SWT1: variants seen among roughly 807,000 people sequenced by gnomAD.
SWT1 encodes the protein transcriptional protein SWT1.
A neutral mutation model predicts 107.3 loss-of-function variants in SWT1; 33 were observed. That is an observed-to-expected ratio of 0.31 (90% CI 0.23 to 0.41). The LOEUF (loss-of-function observed/expected upper bound fraction) is 0.41, where lower values mean the gene tolerates loss of function less well. SWT1 is among the 10% of genes least tolerant of loss of function. SWT1 has a pLI of 1.00. For missense variants in SWT1, 898 were observed against 1,028.9 expected (o/e 0.87, Z 1.74); for synonymous variants, 345 against 348.3 (o/e 0.99, Z 0.11).
intron 13 of SWT1, among the ~76,000 whole-genome samples, chr1:185,208,765 A>G (rs937788708): frequency 6.8e-6 from 1 of 146,892 alleles, no homozygotes; most frequent in Non-Finnish European, 1.5e-5. Context: ...TTGATCTCCT[A>G]ACATGATGCA....
At chr1:185,170,538 T>C (rs1654958725) in intron 4 of SWT1, among the ~76,000 whole-genome samples, 1 of 152,194 alleles carries the variant, frequency 6.6e-6, no homozygotes, top group Non-Finnish European at 1.5e-5. Flanking sequence ...TCCAGAGCTC[T>C]CGGCACAAAG....
At chr1:185,257,279 C>T (rs1248909778) in intron 16 of SWT1, among the ~76,000 whole-genome samples, 1 of 151,984 alleles carries the variant, frequency 6.6e-6, no homozygotes, top group Non-Finnish European at 1.5e-5. Context: ...CAGAGGCAGG[C>T]AGGCCTCCTT....
intron 15 of SWT1, among the ~76,000 whole-genome samples, chr1:185,229,474 T>C (rs1660342140): frequency 6.6e-6 from 1 of 152,018 alleles, no homozygotes; most frequent in African/African-American, 2.4e-5. Context: ...GTCCTCATCC[T>C]TTTACCTGAA....
intron 15 of SWT1, 139 bp from the exon 16 acceptor site, chr1:185,231,438 T>C (rs1323450446): frequency 8.9e-6 from 6 of 677,688 alleles, no homozygotes; most frequent in Admixed American, 2.9e-5. Context: ...TATCTTTTAT[T>C]TCTAATTTAA....
At chr1:185,263,892 G>A (rs1166810731) in intron 16 of SWT1, 1 of 152,096 alleles carries the variant, frequency 6.6e-6, no homozygotes, top group Non-Finnish European at 1.5e-5. Context: ...CCATATCCTG[G>A]GGTACTGGAG....
intron 16 of SWT1, among the ~76,000 whole-genome samples, chr1:185,256,803 G>A (rs1028578561): frequency 2.6e-5 from 4 of 152,152 alleles, no homozygotes; most frequent in African/African-American, 9.7e-5. Context: ...TCTCCATCCA[G>A]CTTTGTTCCA....
At chr1:185,176,696 G>A in intron 5 of SWT1, 1 of 985,184 alleles carries the variant, frequency 1.0e-6, no homozygotes, top group Non-Finnish European at 1.2e-6. Context: ...TTAAGACTGT[G>A]GACTGTGGCC....
chr1:185,221,935 A>G lies in SWT1; in HGVS notation c.2208A>G (p.Gln736=), dbSNP rs753003710. The change falls in exon 15 of 19, where the codon CAA becomes CAG. Residue 736 remains glutamine (Q), a synonymous_variant. Transcript: ENST00000367500. The part of the protein sequence containing the change: ...EGTSLKNSHN[Q]EITVFSSSHL... ...CTTCATTGAAGAATTCTCATAATCA[A>G]GAAATCACTGTTTTCTCGAGTTCTC... 6.2e-7 allele frequency: 1 copy of G among 1,612,638 alleles called. No homozygotes were observed. The highest frequency in any genetic ancestry group is 1.3e-5 in the African/African-American group (1 of 74,882).
intron 3 of SWT1, 36 bp downstream of exon 3, chr1:185,166,688 A>G (rs1474273827): frequency 7.6e-7 from 1 of 1,319,900 alleles, no homozygotes. Flanking sequence ...AAAGTTATTT[A>G]TGCTAAAGTT....
At chr1:185,215,887 A>T (rs1266127651) in intron 14 of SWT1, among the ~76,000 whole-genome samples, 1 of 152,180 alleles carries the variant, frequency 6.6e-6, no homozygotes, top group Non-Finnish European at 1.5e-5. Flanking sequence ...TAGCATAAAC[A>T]GCTCAAAAAA....
chr1:185,226,960 T>G, intron 15 of SWT1: 1 of 940,670 alleles, frequency 1.1e-6, no homozygotes, highest in East Asian at 2.4e-5. Flanking sequence ...TTCTTTTGTA[T>G]AGCAGCATGA....
chr1:185,282,063 T>A (rs1664659958), intron 18 of SWT1, among the ~76,000 whole-genome samples: 1 of 152,156 alleles, frequency 6.6e-6, no homozygotes, highest in Admixed American at 6.5e-5. Flanking sequence ...CTTCAGATTG[T>A]GTGAGAAAAA....
At chr1:185,192,734 G>A (rs1040697396) in intron 10 of SWT1, among the ~76,000 whole-genome samples, 1 of 150,508 alleles carries the variant, frequency 6.6e-6, no homozygotes, top group African/African-American at 2.4e-5. Flanking sequence ...TGCAGTCTCT[G>A]CCTCTTGGGT....
chr1:185,176,723 A>G (rs760141756), intron 5 of SWT1: 26 of 980,000 alleles, frequency 2.7e-5, no homozygotes, highest in Non-Finnish European at 3.2e-5. Context: ...GGTGCCTCAC[A>G]CCTGTAATCC....
chr1:185,282,677 G>GT (rs1004230882), intron 18 of SWT1, among the ~76,000 whole-genome samples: 5 of 152,086 alleles, frequency 3.3e-5, no homozygotes, highest in African/African-American at 1.2e-4. Flanking sequence ...GTTGTCTGAA[G>GT]TGGGGGGCAG....
chr1:185,286,514 G>A (rs758077513), intron 18 of SWT1, among the ~76,000 whole-genome samples: 1 of 152,086 alleles, frequency 6.6e-6, no homozygotes. Context: ...ATGAGCCACC[G>A]CATATGGGCA....
intron 10 of SWT1, among the ~76,000 whole-genome samples, chr1:185,199,028 C>T (rs569895198): frequency 5.8e-4 from 88 of 151,382 alleles, no homozygotes; most frequent in Non-Finnish European, 9.6e-4. Flanking sequence ...GCCTCCACAT[C>T]CTGGGTTCAT....
chr1:185,169,691 G>T (rs1024210087), intron 4 of SWT1, among the ~76,000 whole-genome samples: 1 of 152,020 alleles, frequency 6.6e-6, no homozygotes, highest in Non-Finnish European at 1.5e-5. Context: ...CCAGGAGTTT[G>T]AGACCAGCCT....
In SWT1 at chr1:185,204,771, A is replaced by G. The variant is rs1178658780; in HGVS notation, c.1741A>G (p.Ile581Val). The G allele has an allele frequency of 1.9e-6, 3 of 1,597,442 alleles. No homozygotes were observed. The highest frequency in any genetic ancestry group is 3.5e-5 in the Admixed American group (2 of 57,268). Residue 581 changes from isoleucine to valine, a missense_variant, in exon 12 of 19, where the codon ATT becomes GTT. This residue lies in a region of SWT1 where 382 missense variants were observed against 460.0 expected (regional missense o/e 0.83). Transcript: ENST00000367500. Reference sequence around the variant, plus strand: ...TGGACTGTCCATTCTGCTTGAGAGCATTGTATCTGATCTTGAAAAATCTCT... The same window carrying G: ...TGGACTGTCCATTCTGCTTGAGAGCGTTGTATCTGATCTTGAAAAATCTCT... Reference protein sequence around the residue: ...NSGLSILLESIVSDLEKSLGT... With the variant: ...NSGLSILLESVVSDLEKSLGT...
Sources: allele counts gnomAD v4.1 joint callset (sites outside exome capture counted in the v4.1 genomes callset), GRCh38; gene constraint gnomAD v4.1.1; regional missense constraint gnomAD v4.1.1; transcripts MANE v1.5; gene names NCBI Gene and HGNC (gene_info 2026-07-23, HGNC 2026-07-21).